Variants in MLX observed in about 807,000 individuals in gnomAD.
The protein encoded by MLX is MAX dimerization protein MLX.
Under a neutral mutation model 33.0 loss-of-function variants are expected in MLX, and 15 were observed. That is an observed-to-expected ratio of 0.45 (90% CI 0.30 to 0.70). The LOEUF is 0.70. Among genes scored for constraint, MLX ranks in the 30% least tolerant of loss-of-function variants. The probability of loss-of-function intolerance (pLI) is 0.07; values close to 1 mark genes in which losing one functional copy is unlikely to be tolerated. For missense variants in MLX, 285 were observed against 306.3 expected (o/e 0.93, Z 0.52); for synonymous variants, 115 against 115.6 (o/e 0.99, Z 0.03).
intron 2 of MLX, 99 bp from the exon 3 acceptor site, chr17:42,568,371 A>G (rs914175645): frequency 2.5e-6 from 2 of 808,758 alleles, no homozygotes; most frequent in Non-Finnish European, 2.0e-6. Context: ...TAAAAAAAAA[A>G]TAAATAAATA....
At chr17:42,569,090 C>A in intron 4 of MLX, 114 bp from the exon 5 acceptor site, 1 of 1,284,744 alleles carries the variant, frequency 7.8e-7, no homozygotes, top group Non-Finnish European at 1.1e-6. Context: ...CCCTTGCAGC[C>A]TTCCCACCCC....
chr17:42,567,885 GAGC>G (rs892672517), intron 2 of MLX: 2 of 595,104 alleles, frequency 3.4e-6, no homozygotes, highest in African/African-American at 3.7e-5. Flanking sequence ...CCACTCAGTG[GAGC>G]AGCTGATCAC....
At chr17:42,568,364 A>G in intron 2 of MLX, 106 bp from the exon 3 acceptor site, 1 of 781,532 alleles carries the variant, frequency 1.3e-6, no homozygotes, top group Non-Finnish European at 2.1e-6. Flanking sequence ...CTCTGTCTAA[A>G]AAAAAAATAA....
In MLX at chr17:42,573,171, C is replaced by T. The variant is rs773833351; in HGVS notation, c.*1568C>T. 4 of 1,614,226 alleles carry T rather than the reference C, an allele frequency of 2.5e-6. No homozygotes were observed. The Admixed American group carries it at 5.0e-5, about 20-fold the overall frequency. ...TGCATCAGACAGCTCTGTAGCCTGA[C>T]AAGAAATAAAACCACCCGTTTTCAG... is the stretch of plus-strand genomic sequence containing the variant. On this transcript the variant is annotated 3_prime_UTR_variant, in exon 8 of 8. Coordinates refer to ENST00000435881, the MANE Select transcript of MLX (RefSeq NM_198204.2).
chr17:42,570,179 C>T lies in MLX; in HGVS notation c.674C>T (p.Pro225Leu), dbSNP rs2143260873. ...AGCTGGATCGAGGAGCACTGTAAGC[C>T]TCAGGTATGGGGCAACAATAGGCAC... ...VFSWIEEHCK[P>L]QTLREIVIGV... Residue 225 changes from proline (P) to leucine (L), a missense_variant, in exon 7 of 8, where the codon CCT becomes CTT. Transcript: ENST00000435881. The T allele has an allele frequency of 1.9e-6, 3 of 1,613,634 alleles. No individual in the cohort carries two copies. The highest frequency in any genetic ancestry group is 2.5e-6 in the Non-Finnish European group (3 of 1,180,010).
Position 42,572,916 on chromosome 17 carries a change from A to C in MLX, c.*1313A>C. On this transcript the variant is annotated 3_prime_UTR_variant, in exon 8 of 8. Coordinates refer to ENST00000435881, the MANE Select transcript of MLX (RefSeq NM_198204.2). ...AAAAACAAGGTAGCCAGTGCAAGAC[A>C]TCTCACTCTTCTGACATCCTGCAGT... 1 of 1,594,954 alleles carries C rather than the reference A, an allele frequency of 6.3e-7. No individual in the cohort carries two copies. The highest frequency in any genetic ancestry group is 8.6e-7 in the Non-Finnish European group (1 of 1,163,740).
intron 1 of MLX, 120 bp downstream of exon 1, chr17:42,567,286 C>A: frequency 7.4e-7 from 1 of 1,353,202 alleles, no homozygotes; most frequent in Non-Finnish European, 9.6e-7. Flanking sequence ...TCTCCGTGCC[C>A]CGGGGCTGCA....
chr17:42,569,352 A>G, intron 5 of MLX, 49 bp downstream of exon 5: 1 of 1,580,546 alleles, frequency 6.3e-7, no homozygotes, highest in Non-Finnish European at 8.7e-7. Context: ...CGGGGCTGTG[A>G]AGAGGCCAGT....
chr17:42,569,633 C>G (rs1212036145), intron 6 of MLX, 27 bp downstream of exon 6: 1 of 1,576,934 alleles, frequency 6.3e-7, no homozygotes, highest in African/African-American at 1.3e-5. Flanking sequence ...ATGGGGGGAA[C>G]CAGAACTTCT....
chr17:42,572,402 TTC>T lies in MLX; in HGVS notation c.*801_*802del, dbSNP rs1199809697. 1 of 454,662 alleles carries T rather than the reference TTC, an allele frequency of 2.2e-6. No individual in the cohort carries two copies. Among genetic ancestry groups the T allele is most frequent in the Admixed American group, 2.3e-5 (1 of 42,572 alleles). 28.2% of individuals were successfully genotyped at this position (454,662 alleles called of 1,614,324 possible). Reference sequence around the variant, plus strand: ...ATTAACTGAGCCTCAAAATCACCCTTTCTGTCAAGCATATCTTGGCCTCTCCC... The same window carrying T: ...ATTAACTGAGCCTCAAAATCACCCTTTGTCAAGCATATCTTGGCCTCTCCC... On this transcript the variant is annotated 3_prime_UTR_variant, in exon 8 of 8. Coordinates refer to ENST00000435881, the MANE Select transcript of MLX (RefSeq NM_198204.2).
At chr17:42,569,329 G>A in intron 5 of MLX, 26 bp downstream of exon 5, 3 of 1,607,520 alleles carry the variant, frequency 1.9e-6, no homozygotes, top group Non-Finnish European at 2.6e-6. Flanking sequence ...GCACTGGAGG[G>A]GATGGAGCCA....
chr17:42,571,801 TTTA>T lies in MLX; in HGVS notation c.*203_*205del. On this transcript the variant is annotated 3_prime_UTR_variant, in exon 8 of 8. Coordinates refer to ENST00000435881, the MANE Select transcript of MLX (RefSeq NM_198204.2). ...TTGTTTTGTGAAAGCTTCTGATTAA[TTTA>T]TTATATTGACGATAAAACTCAAACC... 1 of 596,274 alleles carries T rather than the reference TTTA, an allele frequency of 1.7e-6. No homozygotes were observed. The allele number at this position is 596,274 out of a possible 1,614,324, so 36.9% of individuals were successfully genotyped here. A position where few individuals can be genotyped will look rare whatever the true frequency, so the allele number is the denominator to read the frequency against.
Position 42,572,015 on chromosome 17 carries a change from C to A in MLX, c.*412C>A. 4.0e-6 allele frequency: 1 copy of A among 252,928 alleles called. No homozygotes were observed. The highest frequency in any genetic ancestry group is 7.7e-6 in the Non-Finnish European group (1 of 130,498). 15.7% of individuals were successfully genotyped at this position (252,928 alleles called of 1,614,324 possible). A position where few individuals can be genotyped will look rare whatever the true frequency, so the allele number is the denominator to read the frequency against. ...GCAACATTTTTGGCCCAAGTTTGGG[C>A]AACATTTGGCCCAAGTTTGGGCATT... On this transcript the variant is annotated 3_prime_UTR_variant, in exon 8 of 8. Coordinates refer to ENST00000435881, the MANE Select transcript of MLX (RefSeq NM_198204.2).
At chr17:42,571,407 G>A (rs1466307340) in intron 7 of MLX, 140 bp from the exon 8 acceptor site, 18 of 855,528 alleles carry the variant, frequency 2.1e-5, no homozygotes, top group Admixed American at 3.8e-5. Flanking sequence ...GATTATAGGC[G>A]TGAGCCACCA....
intron 3 of MLX, 78 bp from the exon 4 acceptor site, chr17:42,568,759 C>T: frequency 1.5e-6 from 2 of 1,331,014 alleles, no homozygotes; most frequent in Non-Finnish European, 2.1e-6. Context: ...CAGGTTCTTC[C>T]CAGCTGGGGA....
rs868532594 is a variant in MLX, at chr17:42,567,147, C to A, written c.23C>A (p.Pro8His). The change falls in exon 1 of 8, where the codon CCC (proline) becomes CAC (histidine). Residue 8 changes from proline (P) to histidine (H), a missense_variant. Coordinates refer to ENST00000435881, the MANE Select transcript of MLX (RefSeq NM_198204.2). ...AAGATGACGGAGCCGGGCGCCTCTC[C>A]CGAGGACCCTTGGGTCAAGGCAAGC... MTEPGAS[P>H]EDPWVKVEYA... The A allele has an allele frequency of 1.6e-6, 2 of 1,268,026 alleles. No homozygotes were observed. Among genetic ancestry groups the A allele is most frequent in the Non-Finnish European group, 9.9e-7 (1 of 1,006,882 alleles). 78.5% of individuals were successfully genotyped at this position (1,268,026 alleles called of 1,614,324 possible). A position where few individuals can be genotyped will look rare whatever the true frequency, so the allele number is the denominator to read the frequency against.
chr17:42,571,997 T>TTTTGGCCCAAGTTTGGGCAACA lies in MLX; in HGVS notation c.*414_*435dup, dbSNP rs556813574. ...TCTGTTTTGGTCTCTTGGGCAACAT[T>TTTTGGCCCAAGTTTGGGCAACA]TTTGGCCCAAGTTTGGGCAACATTT... On this transcript the variant is annotated 3_prime_UTR_variant, in exon 8 of 8. Coordinates refer to ENST00000435881, the MANE Select transcript of MLX (RefSeq NM_198204.2). 12 of 257,448 alleles carry TTTTGGCCCAAGTTTGGGCAACA rather than the reference T, an allele frequency of 4.7e-5. No individual in the cohort carries two copies. Among genetic ancestry groups the TTTTGGCCCAAGTTTGGGCAACA allele is most frequent in the Non-Finnish European group, 6.9e-5 (9 of 129,872 alleles). The allele number at this position is 257,448 out of a possible 1,614,324, so 15.9% of individuals were successfully genotyped here. A position where few individuals can be genotyped will look rare whatever the true frequency, so the allele number is the denominator to read the frequency against.
chr17:42,569,832 C>G (rs17671179), intron 6 of MLX, 150 bp from the exon 7 acceptor site: 297,174 of 775,328 alleles, frequency 0.38, 60,355 homozygotes, highest in East Asian at 0.55. Flanking sequence ...GCCACCTTTC[C>G]TGACCTGGAA....
intron 2 of MLX, 71 bp downstream of exon 2, chr17:42,567,726 G>A: frequency 3.8e-6 from 6 of 1,598,898 alleles, no homozygotes; most frequent in Non-Finnish European, 5.1e-6. Context: ...TTGTGGCGTT[G>A]CCAACCACGC....
Sources: gnomAD v4.1 joint callset for allele counts on GRCh38, gnomAD v4.1.1 for gene constraint, MANE v1.5 for transcripts, NCBI Gene and HGNC (gene_info 2026-07-23, HGNC 2026-07-21) for gene names.